Variants in NELL1 observed in about 807,000 individuals in gnomAD.
NELL1 encodes the protein neural EGFL like 1.
Under a neutral mutation model 107.4 loss-of-function variants are expected in NELL1, and 76 were observed. The observed-to-expected ratio is 0.71, with a 90% CI of 0.59 to 0.86. The LOEUF (loss-of-function observed/expected upper bound fraction) is 0.86, where lower values mean the gene tolerates loss of function less well. NELL1 is among the 40% of genes least tolerant of loss of function. NELL1 has a pLI of 0.00. For synonymous variants in NELL1, 353 were observed against 341.2 expected, an observed-to-expected ratio of 1.03 and a Z score of -0.38; for missense variants, 1,024 against 1,005.5, an observed-to-expected ratio of 1.02 and a Z score of -0.25.
At chr11:21,225,476 C>T (rs1857870620) in intron 13 of NELL1, among the ~76,000 whole-genome samples, 1 of 152,122 alleles carries the variant, frequency 6.6e-6, no homozygotes, top group African/African-American at 2.4e-5. Flanking sequence ...ATACCGGGTG[C>T]TTTGCTTTTC....
At chr11:21,245,242 T>C (rs1158639848) in intron 14 of NELL1, among the ~76,000 whole-genome samples, 1 of 152,154 alleles carries the variant, frequency 6.6e-6, no homozygotes, top group East Asian at 1.9e-4. Flanking sequence ...TGCTGTGAAA[T>C]AGCTCAGTGG....
chr11:21,129,054 C>G (rs1237645309), intron 13 of NELL1, among the ~76,000 whole-genome samples: 1 of 152,178 alleles, frequency 6.6e-6, no homozygotes, highest in Non-Finnish European at 1.5e-5. Context: ...TTTATTTTGA[C>G]TATTCTTCTA....
chr11:20,999,258 T>C (rs1458403044), intron 12 of NELL1, among the ~76,000 whole-genome samples: 1 of 152,202 alleles, frequency 6.6e-6, no homozygotes, highest in Non-Finnish European at 1.5e-5. Flanking sequence ...TTTGCCACAT[T>C]GCCCATCATT....
chr11:21,305,231 C>A (rs141333881), intron 14 of NELL1, among the ~76,000 whole-genome samples: 14 of 151,950 alleles, frequency 9.2e-5, no homozygotes, highest in Admixed American at 9.2e-4. Context: ...ATGACAAGAG[C>A]CATCAAAGAA....
At chr11:21,525,140 G>C (rs1046324081) in intron 15 of NELL1, among the ~76,000 whole-genome samples, 1 of 152,164 alleles carries the variant, frequency 6.6e-6, no homozygotes, top group African/African-American at 2.4e-5. Context: ...CAGTTTGTTA[G>C]AGAAAATACA....
At chr11:20,779,920 T>C (rs995849212) in intron 2 of NELL1, among the ~76,000 whole-genome samples, 1 of 152,218 alleles carries the variant, frequency 6.6e-6, no homozygotes, top group Admixed American at 6.5e-5. Context: ...TCTGCAAAAC[T>C]CAAAGTGATC....
chr11:21,001,684 A>C (rs1852224468), intron 12 of NELL1, among the ~76,000 whole-genome samples: 1 of 151,602 alleles, frequency 6.6e-6, no homozygotes, highest in African/African-American at 2.4e-5. Flanking sequence ...AAAATAAGAG[A>C]GCCTCAGACC....
chr11:20,858,208 A>T (rs1198131367), intron 4 of NELL1, among the ~76,000 whole-genome samples: 2 of 152,256 alleles, frequency 1.3e-5, no homozygotes, highest in Non-Finnish European at 2.9e-5. Context: ...AAGGCCATGG[A>T]GCCTGAGGTA....
At chr11:21,073,386 G>T (rs1320235245) in intron 12 of NELL1, among the ~76,000 whole-genome samples, 1 of 152,152 alleles carries the variant, frequency 6.6e-6, no homozygotes, top group Non-Finnish European at 1.5e-5. Flanking sequence ...TGGGTCCATT[G>T]TGGTCTGACA....
intron 4 of NELL1, among the ~76,000 whole-genome samples, chr11:20,855,688 G>T (rs1371388598): frequency 1.3e-5 from 2 of 152,050 alleles, no homozygotes; most frequent in Non-Finnish European, 2.9e-5. Context: ...GATATGCATG[G>T]TTATTTTTTA....
chr11:21,123,562 C>A (rs141561827), intron 13 of NELL1, among the ~76,000 whole-genome samples: 1 of 152,068 alleles, frequency 6.6e-6, no homozygotes, highest in Admixed American at 6.6e-5. Context: ...ATATGTCAAT[C>A]ACTCTTTTCT....
Position 21,114,620 on chromosome 11 carries a change from G to A in NELL1, c.1426+906G>A, listed in dbSNP as rs573278080. Among the ~76,000 whole-genome samples the A allele has an allele frequency of 9.9e-5, 15 of 151,972 alleles. 1 individual carries two copies. In the South Asian group the frequency reaches 2.5e-3, roughly 25 times the overall value. ...TTGCAAAAGTTAAGGGCACATGTTA[G>A]TATGTCCAAATTTCTTTGCCAGTGA... On this transcript the variant is annotated intron_variant, in intron 13 of 19. Transcript: ENST00000357134.
chr11:21,008,537 A>G (rs1852378087), intron 12 of NELL1, among the ~76,000 whole-genome samples: 1 of 152,168 alleles, frequency 6.6e-6, no homozygotes, highest in Non-Finnish European at 1.5e-5. Flanking sequence ...AGGTGCTGAA[A>G]AACATGTTTA....
intron 12 of NELL1, among the ~76,000 whole-genome samples, chr11:21,055,490 C>T (rs890205269): frequency 6.6e-6 from 1 of 152,082 alleles, no homozygotes; most frequent in Non-Finnish European, 1.5e-5. Context: ...AATTTTGAAG[C>T]TTATTTTCTT....
chr11:21,233,553 T>A (rs571599142), intron 14 of NELL1, among the ~76,000 whole-genome samples: 18 of 152,304 alleles, frequency 1.2e-4, no homozygotes, highest in South Asian at 2.1e-4. Flanking sequence ...AGAATTTTTT[T>A]AAAAATTGCT....
chr11:20,809,987 G>T (rs117378822), intron 3 of NELL1, among the ~76,000 whole-genome samples: 1 of 152,228 alleles, frequency 6.6e-6, no homozygotes, highest in East Asian at 1.9e-4. Flanking sequence ...CCAGTAGTGT[G>T]TGAGGATTCC....
At chr11:21,284,634 G>A (rs1431178120) in intron 14 of NELL1, 42 of 410,240 alleles carry the variant, frequency 1.0e-4, no homozygotes, top group South Asian at 7.5e-4. Flanking sequence ...TATCAACAGT[G>A]TCTGCACAGG....
chr11:21,078,014 G>C (rs1019417772), intron 12 of NELL1, among the ~76,000 whole-genome samples: 1 of 151,784 alleles, frequency 6.6e-6, no homozygotes, highest in African/African-American at 2.4e-5. Flanking sequence ...AGAACACAAG[G>C]CTCCAGGTAA....
At chr11:20,976,150 T>TAC (rs1202731512) in intron 12 of NELL1, among the ~76,000 whole-genome samples, 1 of 108,052 alleles carries the variant, frequency 9.3e-6, no homozygotes, top group Non-Finnish European at 1.9e-5. Context: ...CACACATGTA[T>TAC]ATATATACAC....
Sources: allele counts gnomAD v4.1 joint callset (sites outside exome capture counted in the v4.1 genomes callset), GRCh38; gene constraint gnomAD v4.1.1; transcripts MANE v1.5; gene names NCBI Gene and HGNC (gene_info 2026-07-23, HGNC 2026-07-21).